FNBP1: variants seen among roughly 807,000 people sequenced by gnomAD.
FNBP1 encodes formin-binding protein 1.
A neutral mutation model predicts 90.6 loss-of-function variants in FNBP1; 26 were observed. That is an observed-to-expected ratio of 0.29 (90% CI 0.21 to 0.40). FNBP1 has a LOEUF of 0.40. Among genes scored for constraint, FNBP1 ranks in the 10% least tolerant of loss-of-function variants. The pLI is 1.00. For synonymous variants in FNBP1, 260 were observed against 265.2 expected (o/e 0.98, Z 0.19); for missense variants, 635 against 768.0 (o/e 0.83, Z 2.05).
intron 2 of FNBP1, among the ~76,000 whole-genome samples, chr9:129,983,644 C>G (rs2051662204): frequency 6.6e-6 from 1 of 152,114 alleles, no homozygotes; most frequent in South Asian, 2.1e-4. Flanking sequence ...AACCCCATCT[C>G]TACTAAAAAT....
chr9:130,035,291 C>T (rs1341901111), intron 1 of FNBP1, among the ~76,000 whole-genome samples: 2 of 152,196 alleles, frequency 1.3e-5, no homozygotes, highest in Non-Finnish European at 2.9e-5. Context: ...CCATCCTCTT[C>T]TTGGGACGAC....
intron 13 of FNBP1, 81 bp downstream of exon 13, chr9:129,902,788 G>T (rs978375941): frequency 2.1e-6 from 3 of 1,437,930 alleles, no homozygotes; most frequent in African/African-American, 1.4e-5. Flanking sequence ...TGAGAGGATC[G>T]TCAGGGCCCC....
intron 1 of FNBP1, among the ~76,000 whole-genome samples, chr9:130,005,487 G>A (rs1302711136): frequency 2.6e-5 from 4 of 151,622 alleles, no homozygotes; most frequent in South Asian, 4.2e-4. Flanking sequence ...GACTACAGAC[G>A]CCCGCCACCA....
In FNBP1 at chr9:129,900,077, C is replaced by G; in HGVS notation, c.1575G>C (p.Glu525Asp). 1 of 1,612,746 alleles carries G rather than the reference C, an allele frequency of 6.2e-7. No homozygotes were observed. The highest frequency in any genetic ancestry group is 8.5e-7 in the Non-Finnish European group (1 of 1,179,384). The change falls in exon 15 of 17, where the codon GAG (glutamate) becomes GAC (aspartate). Residue 525 changes from glutamate (E) to aspartate (D), a missense_variant. Transcript: ENST00000446176. This position sits in a 1 kb window ranked among gnomAD's most constrained non-coding sequence, Gnocchi z 4.1. ...RESPDGSYTEEQSQESEMKVL... is the reference protein window; with the variant it reads ...RESPDGSYTEDQSQESEMKVL... ...CCTTCATCTCACTCTCCTGACTCTG[C>G]TCCTCTGTGTAACTGCCATCTGGGC...
At chr9:129,909,757 G>A (rs2038888042) in intron 11 of FNBP1, among the ~76,000 whole-genome samples, 1 of 152,114 alleles carries the variant, frequency 6.6e-6, no homozygotes, top group Non-Finnish European at 1.5e-5. Context: ...CTAAGTAGCT[G>A]GGACTACAGG....
intron 1 of FNBP1, among the ~76,000 whole-genome samples, chr9:130,025,494 G>A (rs1216661930): frequency 6.6e-6 from 1 of 152,146 alleles, no homozygotes; most frequent in Non-Finnish European, 1.5e-5. Context: ...AGTTGATCCT[G>A]GAACTCAGAT....
In FNBP1 at chr9:129,900,390, C is replaced by A. The variant is rs1313469369; in HGVS notation, c.1550+36G>T. ...GAAATAAATACAAAGCCAACAGGCT[C>A]CCTTGCCAGAGGCAGGCGCTGTGCA... On this transcript the variant is annotated intron_variant, in intron 14 of 16. Coordinates refer to ENST00000446176, the MANE Select transcript of FNBP1 (RefSeq NM_015033.3). This position sits in a 1 kb window ranked among gnomAD's most constrained non-coding sequence, Gnocchi z 4.1. The A allele has an allele frequency of 1.3e-6, 2 of 1,496,546 alleles. No homozygotes were observed. Among genetic ancestry groups the A allele is most frequent in the African/African-American group, 2.8e-5 (2 of 70,464 alleles). 92.7% of individuals were successfully genotyped at this position (1,496,546 alleles called of 1,614,324 possible). A position where few individuals can be genotyped will look rare whatever the true frequency, so the allele number is the denominator to read the frequency against.
chr9:130,052,754 C>T, the FNBP1 span, among the ~76,000 whole-genome samples: 1 of 151,772 alleles, frequency 6.6e-6, no homozygotes, highest in Admixed American at 6.6e-5. Context: ...GTTTTTAGTA[C>T]AGTATTATAT....
intron 11 of FNBP1, among the ~76,000 whole-genome samples, chr9:129,911,930 C>CAAAA (rs71497502): frequency 2.3e-5 from 3 of 127,862 alleles, no homozygotes; most frequent in Non-Finnish European, 3.2e-5. Context: ...GATTCTGTCT[C>CAAAA]AAAAAAAAAA....
chr9:129,955,174 C>T (rs1219857064), intron 6 of FNBP1, among the ~76,000 whole-genome samples: 2 of 151,818 alleles, frequency 1.3e-5, no homozygotes, highest in Non-Finnish European at 2.9e-5. Flanking sequence ...ACTATCATTA[C>T]TTGCTGCTGA....
At chr9:130,006,815 A>G (rs2131579082) in intron 1 of FNBP1, among the ~76,000 whole-genome samples, 1 of 152,322 alleles carries the variant, frequency 6.6e-6, no homozygotes, top group Admixed American at 6.5e-5. Context: ...GGCTCTTTGT[A>G]GTTGCATTCT....
intron 13 of FNBP1, among the ~76,000 whole-genome samples, chr9:129,901,232 G>T (rs7872816): frequency 1.3e-5 from 2 of 150,998 alleles, no homozygotes; most frequent in African/African-American, 2.4e-5. Flanking sequence ...ATGGTGAAAC[G>T]CTGTCTCTAC....
chr9:129,895,694 G>A (rs1426348829), intron 16 of FNBP1, 144 bp downstream of exon 16: 3 of 1,314,918 alleles, frequency 2.3e-6, no homozygotes, highest in Non-Finnish European at 2.9e-6. Flanking sequence ...TGAAGTCCAC[G>A]TGAGACTACA....
chr9:129,976,673 G>A (rs911047204), intron 4 of FNBP1, among the ~76,000 whole-genome samples: 11 of 152,092 alleles, frequency 7.2e-5, no homozygotes, highest in African/African-American at 2.7e-4. Flanking sequence ...GAAGTCCCTT[G>A]GGAAGCTTCT....
chr9:129,946,142 C>T (rs2045255308), intron 6 of FNBP1, among the ~76,000 whole-genome samples: 1 of 151,990 alleles, frequency 6.6e-6, no homozygotes, highest in Admixed American at 6.6e-5. Flanking sequence ...GCACTCCATC[C>T]TGAGCGACAG....
chr9:130,052,584 C>T, the FNBP1 span, among the ~76,000 whole-genome samples: 5 of 151,968 alleles, frequency 3.3e-5, no homozygotes, highest in Non-Finnish European at 7.4e-5. Context: ...AGGCGCGCGG[C>T]CGTGATGCCC....
At chr9:129,955,746 AAAAT>A (rs879636154) in intron 6 of FNBP1, among the ~76,000 whole-genome samples, 62 of 151,050 alleles carry the variant, frequency 4.1e-4, no homozygotes, top group East Asian at 4.1e-3. Flanking sequence ...ATAAAAAATA[AAAAT>A]AAATAAATAA....
At chr9:130,003,846 C>G (rs1455420277) in intron 1 of FNBP1, among the ~76,000 whole-genome samples, 4 of 148,194 alleles carry the variant, frequency 2.7e-5, no homozygotes, top group Non-Finnish European at 5.9e-5. Flanking sequence ...ATGGCGTGAA[C>G]CCGGGAGGCA....
Position 129,898,725 on chromosome 9 carries a change from C to T in FNBP1, c.1687+1240G>A, listed in dbSNP as rs145138215. 2.4e-3 allele frequency among the ~76,000 whole-genome samples: 363 copies of T among 151,920 alleles called. 2 individuals are homozygous for T. The highest frequency in any genetic ancestry group is 8.4e-3 in the African/African-American group (346 of 41,404). ...GGATGGTCTCGATCTCCTGACCTCA[C>T]GATCCGCCTGCCTCGGCCTCCCAAA... On this transcript the variant is annotated intron_variant, in intron 15 of 16. Transcript: ENST00000446176.
Sources: allele counts gnomAD v4.1 joint callset (sites outside exome capture counted in the v4.1 genomes callset), GRCh38; gene constraint gnomAD v4.1.1; non-coding constraint Gnocchi (gnomAD v3.1); transcripts MANE v1.5; gene names NCBI Gene and HGNC (gene_info 2026-07-23, HGNC 2026-07-21).